CDC42BPA: variants seen among roughly 807,000 people sequenced by gnomAD.
CDC42BPA encodes the protein serine/threonine-protein kinase MRCK alpha.
A neutral mutation model predicts 223.5 loss-of-function variants in CDC42BPA; 80 were observed. That is an observed-to-expected ratio of 0.36 (90% CI 0.30 to 0.43). CDC42BPA has a LOEUF of 0.43. Ranked by LOEUF, CDC42BPA falls within the 20% of genes least tolerant of loss-of-function variation. The pLI, the probability that CDC42BPA is intolerant of heterozygous loss-of-function variation, is 1.00. For synonymous variants in CDC42BPA, 694 were observed against 718.6 expected (o/e 0.97, Z 0.55); for missense variants, 1,743 against 2,099.9 (o/e 0.83, Z 3.32).
chr1:227,211,590 A>G (rs951677178), intron 3 of CDC42BPA, among the ~76,000 whole-genome samples: 1 of 152,204 alleles, frequency 6.6e-6, no homozygotes, highest in Non-Finnish European at 1.5e-5. Flanking sequence ...ATATACACAT[A>G]AATAAATATA....
chr1:227,130,950 T>C (rs1656973904), intron 10 of CDC42BPA, among the ~76,000 whole-genome samples: 1 of 152,106 alleles, frequency 6.6e-6, no homozygotes, highest in African/African-American at 2.4e-5. Context: ...GGTATGAAGG[T>C]GGGGCAGGCA....
At chr1:227,069,225 A>G (rs990747675) in intron 21 of CDC42BPA, 3 of 152,192 alleles carry the variant, frequency 2.0e-5, no homozygotes, top group Non-Finnish European at 2.9e-5. Flanking sequence ...GATAACAGTA[A>G]GTTGATTTTT....
rs572291600 is a variant in CDC42BPA, at chr1:227,081,500, T to C, written c.2356-483A>G. 7.3e-5 allele frequency among the ~76,000 whole-genome samples: 11 copies of C among 151,590 alleles called. No individual in the cohort carries two copies. In the South Asian group the frequency reaches 1.5e-3, roughly 20 times the overall value. ...AGAGTTTTGCACTTGTTGCCCAGGCTAGAGTACAATGGCACATTCTCAACT... is the reference window on the plus strand; with the variant it reads ...AGAGTTTTGCACTTGTTGCCCAGGCCAGAGTACAATGGCACATTCTCAACT... On this transcript the variant is annotated intron_variant, in intron 16 of 36. Transcript: ENST00000366766.
intron 14 of CDC42BPA, chr1:227,111,938 T>C (rs1033318240): frequency 6.2e-6 from 1 of 162,588 alleles, no homozygotes. Flanking sequence ...TATCATCTTA[T>C]CCTAACAGAC....
At chr1:227,070,137 T>C (rs535146195) in intron 20 of CDC42BPA, among the ~76,000 whole-genome samples, 1 of 152,022 alleles carries the variant, frequency 6.6e-6, no homozygotes, top group African/African-American at 2.4e-5. Context: ...TTAAATCTTT[T>C]GGTAGGCTTG....
intron 1 of CDC42BPA, among the ~76,000 whole-genome samples, chr1:227,290,988 T>C (rs1289333912): frequency 6.6e-6 from 1 of 152,194 alleles, no homozygotes; most frequent in Non-Finnish European, 1.5e-5. Context: ...TCCGTCTTCC[T>C]AAACAGAATC....
In CDC42BPA at chr1:227,051,940, A is replaced by C; in HGVS notation, c.2950T>G (p.Phe984Val). The C allele has an allele frequency of 7.3e-7, 1 of 1,366,480 alleles. No individual in the cohort carries two copies. The allele number at this position is 1,366,480 out of a possible 1,614,324, so 84.6% of individuals were successfully genotyped here. The change falls in exon 22 of 37, where the codon TTT becomes GTT. Residue 984 changes from phenylalanine to valine, a missense_variant. By Grantham distance (50) the Phe-to-Val change is conservative. This residue lies in a region of CDC42BPA where 678 missense variants were observed against 777.5 expected (regional missense o/e 0.87). Transcript: ENST00000366766. Reference sequence around the variant, plus strand: ...GATGTGGACCGTGACTGGATGTGAAACTTGACGCTCGGGTTCCATACATAT... The same window carrying C: ...GATGTGGACCGTGACTGGATGTGAACCTTGACGCTCGGGTTCCATACATAT... The part of the protein sequence containing the change: ...NTYVWNPSVK[F>V]HIQSRSTSPS...
At chr1:227,068,705 T>G (rs1340277635) in intron 21 of CDC42BPA, 1 of 1,175,844 alleles carries the variant, frequency 8.5e-7, no homozygotes, top group Non-Finnish European at 1.1e-6. Context: ...AGGAATCCTA[T>G]TTAACGAATA....
intron 7 of CDC42BPA, 149 bp from the exon 8 acceptor site, chr1:227,145,886 C>A: frequency 1.7e-6 from 1 of 582,416 alleles, no homozygotes; most frequent in Non-Finnish European, 2.8e-6. Context: ...TAAAGGAATA[C>A]AGGGATGAAT....
At chr1:227,224,104 G>A (rs1405744593) in intron 2 of CDC42BPA, among the ~76,000 whole-genome samples, 1 of 151,818 alleles carries the variant, frequency 6.6e-6, no homozygotes, top group Non-Finnish European at 1.5e-5. Context: ...TTTGTATTTT[G>A]TTTTTATTTA....
rs972709843 is a variant in CDC42BPA, at chr1:227,139,448, T to C, written c.1390+128A>G. ...GGTATTATGCTGTGTTCTGCATACA[T>C]CTCTACAACTTGATTTTTCACCACT... On this transcript the variant is annotated intron_variant, in intron 10 of 36. Transcript: ENST00000366766. 29 of 587,130 alleles carry C rather than the reference T, an allele frequency of 4.9e-5. No individual in the cohort carries two copies. In the Admixed American group the frequency reaches 8.9e-4, roughly 18 times the overall value. 36.4% of individuals were successfully genotyped at this position (587,130 alleles called of 1,614,324 possible). A position where few individuals can be genotyped will look rare whatever the true frequency, so the allele number is the denominator to read the frequency against.
chr1:227,137,425 G>A (rs1416447838), intron 10 of CDC42BPA, among the ~76,000 whole-genome samples: 1 of 151,992 alleles, frequency 6.6e-6, no homozygotes, highest in Non-Finnish European at 1.5e-5. Flanking sequence ...CTATATATTG[G>A]TATAGTCACT....
intron 1 of CDC42BPA, among the ~76,000 whole-genome samples, chr1:227,264,602 A>G (rs1341816424): frequency 6.6e-6 from 1 of 152,102 alleles, no homozygotes; most frequent in Non-Finnish European, 1.5e-5. Context: ...GGGATTTTCA[A>G]AAAGTATAAC....
intron 11 of CDC42BPA, among the ~76,000 whole-genome samples, chr1:227,126,460 CAAGAAAGGAAGGAAGGAAGGAAGG>C (rs1306855762): frequency 9.5e-5 from 9 of 94,358 alleles, no homozygotes; most frequent in African/African-American, 1.7e-4. Flanking sequence ...ACAGGCAGTA[CAAGAAAGGAAGGAAGGAAGGAAGG>C]AAGGAAGGAA....
At chr1:227,220,414 A>G (rs1675687601) in intron 2 of CDC42BPA, among the ~76,000 whole-genome samples, 1 of 149,666 alleles carries the variant, frequency 6.7e-6, no homozygotes, top group African/African-American at 2.4e-5. Context: ...ATATATATAT[A>G]CTTTGTCTTT....
chr1:227,175,169 ACTGATATAACCC>A (rs1177887052), intron 5 of CDC42BPA, among the ~76,000 whole-genome samples: 4 of 152,198 alleles, frequency 2.6e-5, no homozygotes, highest in African/African-American at 7.2e-5. Flanking sequence ...TGCAATCATG[ACTGATATAACCC>A]CTTTTGGAAC....
At chr1:227,284,877 G>A (rs768435958) in intron 1 of CDC42BPA, among the ~76,000 whole-genome samples, 12 of 151,372 alleles carry the variant, frequency 7.9e-5, no homozygotes, top group South Asian at 4.2e-4. Flanking sequence ...TGGGAAGATC[G>A]CTTGATTCCA....
At chr1:227,249,851 C>CA (rs200086277) in intron 2 of CDC42BPA, among the ~76,000 whole-genome samples, 2,058 of 151,350 alleles carry the variant, frequency 0.014, 19 homozygotes, top group Middle Eastern at 0.027. Flanking sequence ...TTAATGAGTA[C>CA]AAAAAAAACA....
chr1:227,078,586 C>T (rs550857716), intron 17 of CDC42BPA, among the ~76,000 whole-genome samples: 31 of 152,136 alleles, frequency 2.0e-4, no homozygotes, highest in African/African-American at 6.5e-4. Flanking sequence ...CCTACTCTAA[C>T]GGCGGTGAGA....
Sources: gnomAD v4.1 joint callset for allele counts (sites outside exome capture counted in the v4.1 genomes callset) on GRCh38, gnomAD v4.1.1 for gene constraint, gnomAD v4.1.1 regional missense constraint, MANE v1.5 for transcripts, NCBI Gene and HGNC (gene_info 2026-07-23, HGNC 2026-07-21) for gene names.